JAKMIP1: variants seen among roughly 807,000 people sequenced by gnomAD.
JAKMIP1 encodes janus kinase and microtubule-interacting protein 1.
Under a neutral mutation model 113.0 loss-of-function variants are expected in JAKMIP1, and 33 were observed. That is an observed-to-expected ratio of 0.29 (90% CI 0.22 to 0.39). JAKMIP1 has a LOEUF of 0.39. JAKMIP1 is among the 10% of genes least tolerant of loss of function. The probability of loss-of-function intolerance (pLI) is 1.00; values close to 1 mark genes in which losing one functional copy is unlikely to be tolerated. For synonymous variants in JAKMIP1, 480 were observed against 459.9 expected (o/e 1.04, Z -0.56); for missense variants, 813 against 1,080.5 (o/e 0.75, Z 3.47).
At chr4:6,113,355 C>T (rs1232048130) in intron 1 of JAKMIP1, among the ~76,000 whole-genome samples, 2 of 152,174 alleles carry the variant, frequency 1.3e-5, no homozygotes, top group Non-Finnish European at 2.9e-5. Context: ...CCTGTGTCTC[C>T]CAAGGTGCTT....
intron 10 of JAKMIP1, 132 bp downstream of exon 10, chr4:6,062,180 T>C: frequency 2.1e-6 from 2 of 931,952 alleles, no homozygotes; most frequent in Non-Finnish European, 3.4e-6. Flanking sequence ...GCAGAGACCT[T>C]GCTATGGGTT....
rs149824817 is a variant in JAKMIP1 at position 6,137,345 on chromosome 4, C to T, written c.-147-24348G>A. Among the ~76,000 whole-genome samples, 33 of 152,294 alleles carry T rather than the reference C, an allele frequency of 2.2e-4. No individual in the cohort carries two copies. The highest frequency in any genetic ancestry group is 9.7e-4 in the East Asian group (5 of 5,174). ...CACGCGCTGGCATTTTCCTAACAGA[C>T]GGATCAGCTTTAGACGGCACTGTTC... On this transcript the variant is annotated intron_variant, in intron 1 of 20. Coordinates refer to ENST00000409021, the MANE Select transcript of JAKMIP1 (RefSeq NM_001099433.2). This position sits in a 1 kb window ranked among gnomAD's most constrained non-coding sequence, Gnocchi z 4.5.
At position 6,031,750 on chromosome 4, in the gene JAKMIP1, G is replaced by C. The variant is rs1044656379; in HGVS notation, c.2380-1969C>G. The stretch of plus-strand genomic sequence containing the variant: ...CAGAATGGATTCCACGAAGGAGACA[G>C]AAAAAAAGATGATTCTCTCAGATCT... On this transcript the variant is annotated intron_variant, in intron 19 of 20. Transcript: ENST00000409021. The surrounding 1 kb of genome is among the most constrained non-coding windows in gnomAD (Gnocchi z 4.4). 2.6e-5 allele frequency among the ~76,000 whole-genome samples: 4 copies of C among 152,082 alleles called. No individual in the cohort carries two copies. The highest frequency in any genetic ancestry group is 9.7e-5 in the African/African-American group (4 of 41,420).
chr4:6,061,981 A>G lies in JAKMIP1; in HGVS notation c.1560+331T>C, dbSNP rs2108785760. On this transcript the variant is annotated intron_variant, in intron 10 of 20. Transcript: ENST00000409021. The surrounding 1 kb of genome is among the most constrained non-coding windows in gnomAD (Gnocchi z 5.3). ...GCGGGGGGCTGGCAGCCCTGGAGGG[A>G]GCGGAGCCTGAAGCCTGCAAGCCAG... Among the ~76,000 whole-genome samples, 1 of 152,244 alleles carries G rather than the reference A, an allele frequency of 6.6e-6. No homozygotes were observed. The highest frequency in any genetic ancestry group is 1.9e-4 in the East Asian group (1 of 5,174).
rs1300018154 is a variant in JAKMIP1 at position 6,106,287 on chromosome 4, T to C, written c.130-320A>G. Among the ~76,000 whole-genome samples the C allele has an allele frequency of 6.6e-6, 1 of 152,216 alleles. No homozygotes were observed. Among genetic ancestry groups the C allele is most frequent in the Admixed American group, 6.5e-5 (1 of 15,284 alleles). On this transcript the variant is annotated intron_variant, in intron 2 of 20. Transcript: ENST00000409021. This position sits in a 1 kb window ranked among gnomAD's most constrained non-coding sequence, Gnocchi z 5.9. ...GACTGCTCAATCACAAAACACACCCTGCAGAAATCATCACCAAGACCCAAA... is the reference window on the plus strand; with the variant it reads ...GACTGCTCAATCACAAAACACACCCCGCAGAAATCATCACCAAGACCCAAA...
chr4:6,119,371 C>A (rs1165291679), intron 1 of JAKMIP1, among the ~76,000 whole-genome samples: 2 of 152,060 alleles, frequency 1.3e-5, no homozygotes, highest in Non-Finnish European at 1.5e-5. Context: ...ATGAAGAAAC[C>A]CCCCTCTCGG....
At chr4:6,036,626 C>A (rs888504257) in intron 18 of JAKMIP1, among the ~76,000 whole-genome samples, 3 of 152,194 alleles carry the variant, frequency 2.0e-5, no homozygotes, top group Admixed American at 6.5e-5. Flanking sequence ...AAGCAAGCCA[C>A]CCTTTTTGGC....
At chr4:6,084,227 G>C (rs1720965179) in intron 5 of JAKMIP1, among the ~76,000 whole-genome samples, 1 of 151,312 alleles carries the variant, frequency 6.6e-6, no homozygotes, top group Admixed American at 6.6e-5. Flanking sequence ...TGAGGCAGGA[G>C]AATCGCTTGA....
chr4:6,113,698 C>T (rs762894660), intron 1 of JAKMIP1, among the ~76,000 whole-genome samples: 1 of 152,212 alleles, frequency 6.6e-6, no homozygotes, highest in Non-Finnish European at 1.5e-5. Flanking sequence ...TAATCACCGC[C>T]CCAAGCTGCC....
At position 6,197,952 on chromosome 4, in the gene JAKMIP1, G is replaced by C. The variant is rs138409295; in HGVS notation, c.-148+2301C>G. ...GGGGCCACGGTCCTGCCACTTCCTC[G>C]TGCAGCCTTCCTGGCCGGGCCGCCT... On this transcript the variant is annotated intron_variant, in intron 1 of 20. Transcript: ENST00000409021. This position sits in a 1 kb window ranked among gnomAD's most constrained non-coding sequence, Gnocchi z 6.5. 6.6e-6 allele frequency among the ~76,000 whole-genome samples: 1 copy of C among 152,100 alleles called. No individual in the cohort carries two copies. The highest frequency in any genetic ancestry group is 1.5e-5 in the Non-Finnish European group (1 of 68,030).
At chr4:6,133,903 G>A (rs887308898) in intron 1 of JAKMIP1, among the ~76,000 whole-genome samples, 3 of 152,202 alleles carry the variant, frequency 2.0e-5, no homozygotes, top group African/African-American at 7.2e-5. Flanking sequence ...CATGCATTGA[G>A]ATGGTTGGAT....
rs1459123859 is a variant in JAKMIP1 at position 6,097,429 on chromosome 4, T to C, written c.624+8044A>G. Among the ~76,000 whole-genome samples, 1 of 152,214 alleles carries C rather than the reference T, an allele frequency of 6.6e-6. No homozygotes were observed. Among genetic ancestry groups the C allele is most frequent in the East Asian group, 1.9e-4 (1 of 5,202 alleles). Reference sequence around the variant, plus strand: ...TGCTTGCATGGGGAGTCTGGGTGTGTATGGAAGCTCTATCACAGCTGATGG... The same window carrying C: ...TGCTTGCATGGGGAGTCTGGGTGTGCATGGAAGCTCTATCACAGCTGATGG... On this transcript the variant is annotated intron_variant, in intron 3 of 20. Coordinates refer to ENST00000409021, the MANE Select transcript of JAKMIP1 (RefSeq NM_001099433.2). This position sits in a 1 kb window ranked among gnomAD's most constrained non-coding sequence, Gnocchi z 4.3.
chr4:6,161,933 C>T (rs1034797598), intron 1 of JAKMIP1, among the ~76,000 whole-genome samples: 71 of 152,116 alleles, frequency 4.7e-4, no homozygotes, highest in African/African-American at 1.6e-3. Context: ...CCTGGGAGGA[C>T]GTGGTGATGT....
In JAKMIP1 at chr4:6,170,730, C is replaced by G. The variant is rs111161924; in HGVS notation, c.-148+29523G>C. ...TCACCACCACCATCCCCATCCCCAT[C>G]ACCACCCTTGCCACCACAATCACCA... On this transcript the variant is annotated intron_variant, in intron 1 of 20. Coordinates refer to ENST00000409021, the MANE Select transcript of JAKMIP1 (RefSeq NM_001099433.2). Among the ~76,000 whole-genome samples the G allele has an allele frequency of 8.9e-4, 71 of 79,742 alleles. 2 individuals carry two copies. Among genetic ancestry groups the G allele is most frequent in the East Asian group, 2.8e-3 (9 of 3,226 alleles). The allele number at this position is 79,742 out of a possible 152,430, so 52.3% of individuals were successfully genotyped here. A position where few individuals can be genotyped will look rare whatever the true frequency, so the allele number is the denominator to read the frequency against.
At position 6,080,048 on chromosome 4, in the gene JAKMIP1, C is replaced by T. The variant is rs1235204596; in HGVS notation, c.1242+124G>A. ...GGGTGAGCTTGGTGAGTCCCAAAGT[C>T]AGCACTGCCTGACCCTGACCCAGCT... On this transcript the variant is annotated intron_variant, in intron 7 of 20. Coordinates refer to ENST00000409021, the MANE Select transcript of JAKMIP1 (RefSeq NM_001099433.2). The surrounding 1 kb of genome is among the most constrained non-coding windows in gnomAD (Gnocchi z 6.0). The T allele has an allele frequency of 1.1e-5, 12 of 1,132,388 alleles. No individual in the cohort carries two copies. Among genetic ancestry groups the T allele is most frequent in the Non-Finnish European group, 1.5e-5 (12 of 817,294 alleles). The allele number at this position is 1,132,388 out of a possible 1,614,324, so 70.1% of individuals were successfully genotyped here. A position where few individuals can be genotyped will look rare whatever the true frequency, so the allele number is the denominator to read the frequency against.
At position 6,059,342 on chromosome 4, in the gene JAKMIP1, G is replaced by A. The variant is rs898977073; in HGVS notation, c.1644+1082C>T. On this transcript the variant is annotated intron_variant, in intron 11 of 20. Transcript: ENST00000409021. This position sits in a 1 kb window ranked among gnomAD's most constrained non-coding sequence, Gnocchi z 4.8. ...CTGCGGCAGCCATTCTGAGCTGCCA[G>A]CTTTGCAGCTTTGCAGCTTTGCAGT... Among the ~76,000 whole-genome samples the A allele has an allele frequency of 2.6e-5, 4 of 152,152 alleles. No homozygotes were observed. The highest frequency in any genetic ancestry group is 9.7e-5 in the African/African-American group (4 of 41,446).
At chr4:6,077,149 G>C (rs139998426) in intron 8 of JAKMIP1, among the ~76,000 whole-genome samples, 11 of 152,274 alleles carry the variant, frequency 7.2e-5, no homozygotes, top group Admixed American at 3.9e-4. Context: ...CAGTACCTCA[G>C]AATGTGACTT....
intron 8 of JAKMIP1, among the ~76,000 whole-genome samples, chr4:6,066,788 AT>A (rs1718157191): frequency 6.6e-6 from 1 of 152,022 alleles, no homozygotes; most frequent in South Asian, 2.1e-4. Context: ...TCTCTCTGGA[AT>A]TATTAAAACC....
chr4:6,176,043 C>T lies in JAKMIP1; in HGVS notation c.-148+24210G>A, dbSNP rs182098062. Among the ~76,000 whole-genome samples, 477 of 152,296 alleles carry T rather than the reference C, an allele frequency of 3.1e-3. 3 individuals are homozygous for T. Among genetic ancestry groups the T allele is most frequent in the African/African-American group, 0.011 (468 of 41,554 alleles). On this transcript the variant is annotated intron_variant, in intron 1 of 20. Transcript: ENST00000409021. The surrounding 1 kb of genome is among the most constrained non-coding windows in gnomAD (Gnocchi z 5.5). ...TCATTATTGTTTACTGAAAAACCTA[C>T]TAAGTGCCAGATACTTCCCAGGCAT...
Sources: allele counts gnomAD v4.1 joint callset (sites outside exome capture counted in the v4.1 genomes callset), GRCh38; gene constraint gnomAD v4.1.1; non-coding constraint Gnocchi (gnomAD v3.1); transcripts MANE v1.5; gene names NCBI Gene and HGNC (gene_info 2026-07-23, HGNC 2026-07-21).